Variants in MEGF10 observed in about 807,000 individuals in gnomAD.
MEGF10 encodes the protein multiple EGF like domains 10.
MEGF10 carries 86 observed loss-of-function variants against 147.5 expected under a neutral mutation model. The observed-to-expected ratio is 0.58, with a 90% CI of 0.49 to 0.70. MEGF10 has a LOEUF of 0.70. Ranked by LOEUF, MEGF10 falls within the 30% of genes least tolerant of loss-of-function variation. The pLI, the probability that MEGF10 is intolerant of heterozygous loss-of-function variation, is 0.00. For missense variants in MEGF10, 1,329 were observed against 1,487.3 expected (o/e 0.89, Z 1.75); for synonymous variants, 478 against 525.5 (o/e 0.91, Z 1.24).
chr5:127,344,195 A>G (rs1427200910), intron 4 of MEGF10, among the ~76,000 whole-genome samples: 1 of 152,152 alleles, frequency 6.6e-6, no homozygotes. Context: ...AAGATTATGT[A>G]TGTATATATG....
the MEGF10 span, among the ~76,000 whole-genome samples, chr5:127,252,147 C>T: frequency 2.6e-5 from 4 of 151,706 alleles, no homozygotes; most frequent in Non-Finnish European, 5.9e-5. Context: ...GATAGATTAA[C>T]ACAATGATAC....
chr5:127,343,591 A>G (rs1294049423), intron 4 of MEGF10, among the ~76,000 whole-genome samples: 1 of 152,146 alleles, frequency 6.6e-6, no homozygotes, highest in Non-Finnish European at 1.5e-5. Context: ...CAGAGATCAG[A>G]ACACTTCACA....
chr5:127,438,403 G>A lies in MEGF10; in HGVS notation c.2105-36G>A. 3 of 1,609,194 alleles carry A rather than the reference G, an allele frequency of 1.9e-6. No individual in the cohort carries two copies. In the South Asian group the frequency reaches 3.3e-5, roughly 18 times the overall value. On this transcript the variant is annotated intron_variant, in intron 16 of 24. Transcript: ENST00000503335. The stretch of plus-strand genomic sequence containing the variant: ...TTCTCCCTACTTAGTATTGGCCTCA[G>A]AACTCTGATGGACTTCTCCATACCT...
chr5:127,323,656 C>T (rs940465560), intron 1 of MEGF10, among the ~76,000 whole-genome samples: 9 of 152,214 alleles, frequency 5.9e-5, no homozygotes, highest in Non-Finnish European at 4.4e-5. Flanking sequence ...TGCTGCTTCA[C>T]ATGAACTCAA....
intron 1 of MEGF10, among the ~76,000 whole-genome samples, chr5:127,313,077 C>T (rs1187805621): frequency 6.6e-6 from 1 of 152,034 alleles, no homozygotes; most frequent in Non-Finnish European, 1.5e-5. Flanking sequence ...AAAAAGTATA[C>T]GTTCTCAACA....
Position 127,353,802 on chromosome 5 carries a change from T to C in MEGF10, c.319+13172T>C, listed in dbSNP as rs1159346720. 2.6e-5 allele frequency among the ~76,000 whole-genome samples: 4 copies of C among 152,160 alleles called. No homozygotes were observed. The East Asian group carries it at 7.7e-4, about 29-fold the overall frequency. ...TGGTAACTCAAAGTTCAAGTTCTAA[T>C]GGGGGCGTCCAGGCAAGTGTGGCTT... On this transcript the variant is annotated intron_variant, in intron 4 of 24. Transcript: ENST00000503335.
the MEGF10 span, among the ~76,000 whole-genome samples, chr5:127,238,991 G>C: frequency 1.1e-3 from 163 of 152,154 alleles, 1 homozygote; most frequent in African/African-American, 3.8e-3. Context: ...ATATTGAGAA[G>C]GACAAACATC....
At chr5:127,409,243 A>G (rs1486835987) in intron 8 of MEGF10, among the ~76,000 whole-genome samples, 1 of 152,190 alleles carries the variant, frequency 6.6e-6, no homozygotes, top group Non-Finnish European at 1.5e-5. Context: ...TGAATTTGTT[A>G]TTATGCCTTA....
chr5:127,457,377 C>T lies in MEGF10; in HGVS notation c.*59C>T, dbSNP rs1766406457. The T allele has an allele frequency of 1.3e-6, 2 of 1,529,886 alleles. No individual in the cohort carries two copies. Among genetic ancestry groups the T allele is most frequent in the Admixed American group, 2.1e-5 (1 of 48,380 alleles). 94.8% of individuals were successfully genotyped at this position (1,529,886 alleles called of 1,614,324 possible). On this transcript the variant is annotated 3_prime_UTR_variant, in exon 25 of 25. Transcript: ENST00000503335. ...TTTCCAGAACTGCTGTTTGGTTCTT[C>T]TCCATCCTCAATTTTGCCACTTTCA...
At chr5:127,330,628 C>T (rs535837541) in intron 1 of MEGF10, among the ~76,000 whole-genome samples, 1 of 152,126 alleles carries the variant, frequency 6.6e-6, no homozygotes, top group Admixed American at 6.6e-5. Context: ...TTTTTAGAAA[C>T]CCCTGTGAGA....
chr5:127,243,307 G>T, the MEGF10 span, among the ~76,000 whole-genome samples: 1 of 152,154 alleles, frequency 6.6e-6, no homozygotes, highest in African/African-American at 2.4e-5. Context: ...GGACACAGAA[G>T]TTCATAGTAA....
intron 5 of MEGF10, among the ~76,000 whole-genome samples, chr5:127,383,840 A>C (rs1369237049): frequency 6.6e-6 from 1 of 152,212 alleles, no homozygotes; most frequent in Non-Finnish European, 1.5e-5. Context: ...AGTCTCTCAT[A>C]GTCCCATCGT....
At chr5:127,281,756 G>A in the MEGF10 span, among the ~76,000 whole-genome samples, 236 of 152,354 alleles carry the variant, frequency 1.5e-3, no homozygotes, top group African/African-American at 5.4e-3. Flanking sequence ...GGCATGGGCA[G>A]GCTCTTCAGT....
chr5:127,408,378 A>G (rs1195201501), intron 8 of MEGF10, among the ~76,000 whole-genome samples: 1 of 152,218 alleles, frequency 6.6e-6, no homozygotes, highest in African/African-American at 2.4e-5. Flanking sequence ...TCTAACAGAC[A>G]GGTTGAAAAG....
chr5:127,398,140 G>A (rs1341246809), intron 6 of MEGF10, among the ~76,000 whole-genome samples: 4 of 151,924 alleles, frequency 2.6e-5, no homozygotes, highest in African/African-American at 9.7e-5. Context: ...CTAGATGACA[G>A]GTTGATAGGT....
chr5:127,271,013 G>A, the MEGF10 span, among the ~76,000 whole-genome samples: 1 of 152,100 alleles, frequency 6.6e-6, no homozygotes, highest in Non-Finnish European at 1.5e-5. Flanking sequence ...GAATAGTGCT[G>A]CCATAAACAT....
At chr5:127,385,774 C>T (rs1763404386) in intron 5 of MEGF10, among the ~76,000 whole-genome samples, 1 of 152,042 alleles carries the variant, frequency 6.6e-6, no homozygotes, top group Non-Finnish European at 1.5e-5. Flanking sequence ...CAATTAGATC[C>T]CAAGGCTATT....
chr5:127,450,239 G>C (rs1766103443), intron 22 of MEGF10, among the ~76,000 whole-genome samples: 1 of 152,156 alleles, frequency 6.6e-6, no homozygotes, highest in African/African-American at 2.4e-5. Flanking sequence ...TTTGCAGCTG[G>C]GCACAATGGC....
At chr5:127,295,587 T>C (rs1286123533) in intron 1 of MEGF10, among the ~76,000 whole-genome samples, 1 of 152,192 alleles carries the variant, frequency 6.6e-6, no homozygotes, top group Non-Finnish European at 1.5e-5. Flanking sequence ...ACAAGGATGG[T>C]GATTCTGCAA....
Sources: allele counts gnomAD v4.1 joint callset (sites outside exome capture counted in the v4.1 genomes callset), GRCh38; gene constraint gnomAD v4.1.1; transcripts MANE v1.5; gene names NCBI Gene and HGNC (gene_info 2026-07-23, HGNC 2026-07-21).